Variants in LCP2 observed in about 807,000 individuals in gnomAD.
LCP2 encodes the protein lymphocyte cytosolic protein 2.
LCP2 carries 29 observed loss-of-function variants against 74.5 expected under a neutral mutation model. The ratio of observed to expected loss-of-function variants is 0.39; its 90% CI spans 0.29 to 0.53. The LOEUF is 0.53. Ranked by LOEUF, LCP2 falls within the 20% of genes least tolerant of loss-of-function variation. The probability of loss-of-function intolerance (pLI) is 0.72; values close to 1 mark genes in which losing one functional copy is unlikely to be tolerated. For synonymous variants in LCP2, 228 were observed against 229.5 expected, an observed-to-expected ratio of 0.99 and a Z score of 0.06; for missense variants, 604 against 634.6, an observed-to-expected ratio of 0.95 and a Z score of 0.52.
chr5:170,272,052 G>C (rs315743), intron 6 of LCP2, among the ~76,000 whole-genome samples: 195 of 152,170 alleles, frequency 1.3e-3, no homozygotes, highest in African/African-American at 4.3e-3. Context: ...TTAGGAGCAG[G>C]TGGGCAGAGC....
chr5:170,258,639 A>G (rs1023629750), intron 15 of LCP2: 5 of 452,192 alleles, frequency 1.1e-5, no homozygotes, highest in Non-Finnish European at 1.6e-5. Context: ...ATACAATTAA[A>G]TAATCTGCAC....
chr5:170,247,382 G>A lies in LCP2; in HGVS notation c.*1315C>T, dbSNP rs1303459654. The A allele has an allele frequency of 6.6e-6, 1 of 152,114 alleles. No homozygotes were observed. The highest frequency in any genetic ancestry group is 1.5e-5 in the Non-Finnish European group (1 of 68,018). The allele number at this position is 152,114 out of a possible 1,614,324, so 9.4% of individuals were successfully genotyped here. A position where few individuals can be genotyped will look rare whatever the true frequency, so the allele number is the denominator to read the frequency against. ...TTTAACATATCATCAGTTTTAAAAT[G>A]GTGACTTCTTAGATTCCTTCCAATA... On this transcript the variant is annotated 3_prime_UTR_variant, in exon 21 of 21. Coordinates refer to ENST00000046794, the MANE Select transcript of LCP2 (RefSeq NM_005565.5).
intron 20 of LCP2, among the ~76,000 whole-genome samples, chr5:170,250,472 T>A (rs1260942000): frequency 3.3e-5 from 5 of 152,252 alleles, no homozygotes; most frequent in African/African-American, 4.8e-5. Context: ...TTTTTTTAAG[T>A]TAACATAGTT....
chr5:170,251,983 T>C lies in LCP2; in HGVS notation c.1323+451A>G, dbSNP rs947250798. The C allele has an allele frequency of 1.9e-5, 4 of 215,524 alleles. 1 individual carries two copies. The South Asian group carries it at 2.0e-4, about 11-fold the overall frequency. The allele number at this position is 215,524 out of a possible 1,614,324, so 13.4% of individuals were successfully genotyped here. On this transcript the variant is annotated intron_variant, in intron 19 of 20. Transcript: ENST00000046794. ...GAAATATGTTTAAGACTTTATGATA[T>C]TAAAGGACTAGCTAGAAACGTCTAG... is the stretch of plus-strand genomic sequence containing the variant.
intron 6 of LCP2, among the ~76,000 whole-genome samples, chr5:170,272,686 T>C (rs925835414): frequency 5.1e-5 from 7 of 136,950 alleles, no homozygotes; most frequent in African/African-American, 1.9e-4. Flanking sequence ...AATCTCGGCT[T>C]ACTGCAACCT....
At chr5:170,249,168 G>A (rs1267079393) in intron 20 of LCP2, among the ~76,000 whole-genome samples, 1 of 151,852 alleles carries the variant, frequency 6.6e-6, no homozygotes, top group African/African-American at 2.4e-5. Flanking sequence ...CTAGAAAATA[G>A]AAAAATATTA....
At position 170,285,266 on chromosome 5, in the gene LCP2, A is replaced by G. The variant is rs1165723642; in HGVS notation, c.188+2704T>C. On this transcript the variant is annotated intron_variant, in intron 3 of 20. Transcript: ENST00000046794. ...CTTTTTTTGAATTTCTTATGCCCAAATTTAACTTCTAGAACACATGAAATA... is the reference window on the plus strand; with the variant it reads ...CTTTTTTTGAATTTCTTATGCCCAAGTTTAACTTCTAGAACACATGAAATA... Among the ~76,000 whole-genome samples the G allele has an allele frequency of 2.6e-5, 4 of 152,162 alleles. No homozygotes were observed. In the South Asian group the frequency reaches 8.3e-4, roughly 32 times the overall value.
intron 3 of LCP2, among the ~76,000 whole-genome samples, chr5:170,279,622 ATC>A (rs1762067282): frequency 1.3e-5 from 2 of 152,226 alleles, no homozygotes; most frequent in Non-Finnish European, 2.9e-5. Context: ...GCTCAGTGAC[ATC>A]AACCGGCCCC....
chr5:170,260,335 TAGC>T (rs1162346626), intron 14 of LCP2, among the ~76,000 whole-genome samples: 1 of 152,154 alleles, frequency 6.6e-6, no homozygotes, highest in African/African-American at 2.4e-5. Context: ...GCTGCAAAAA[TAGC>T]AGGCGCTTTT....
chr5:170,275,449 G>A, intron 4 of LCP2, 98 bp from the exon 5 acceptor site: 3 of 1,347,914 alleles, frequency 2.2e-6, no homozygotes, highest in Non-Finnish European at 3.2e-6. Flanking sequence ...CCCCAGTGGA[G>A]GGCATGTCTC....
intron 16 of LCP2, among the ~76,000 whole-genome samples, chr5:170,257,577 CCTGAGAAACACAGCTGCTA>C (rs1761577994): frequency 6.6e-6 from 1 of 151,972 alleles, no homozygotes. Flanking sequence ...TCATACCAGC[CCTGAGAAACACAGCTGCTA>C]CTGAGAAAAC....
chr5:170,265,307 A>T (rs531998284), intron 10 of LCP2, among the ~76,000 whole-genome samples: 29 of 152,300 alleles, frequency 1.9e-4, no homozygotes, highest in African/African-American at 7.0e-4. Context: ...ATTTTTGCAT[A>T]TTCTCTGAGC....
intron 6 of LCP2, chr5:170,273,920 C>CGGTGGG (rs374257999): frequency 4.7e-5 from 4 of 85,864 alleles, no homozygotes; most frequent in African/African-American, 1.3e-4. Flanking sequence ...TTTTTGGAGA[C>CGGTGGG]GGGGGGGTAG....
chr5:170,251,631 G>C (rs969801960), intron 19 of LCP2: 3 of 455,926 alleles, frequency 6.6e-6, no homozygotes, highest in Non-Finnish European at 1.3e-5. Flanking sequence ...ACTTTCCTTT[G>C]TTCCTTTTAT....
At chr5:170,286,929 T>A (rs978505528) in intron 3 of LCP2, among the ~76,000 whole-genome samples, 2 of 152,234 alleles carry the variant, frequency 1.3e-5, no homozygotes, top group Non-Finnish European at 2.9e-5. Flanking sequence ...ACACAGACTA[T>A]ATGTAGCCCT....
rs535149437 is a variant in LCP2, at chr5:170,285,798, G to C, written c.188+2172C>G. Among the ~76,000 whole-genome samples, 3 of 152,242 alleles carry C rather than the reference G, an allele frequency of 2.0e-5. No homozygotes were observed. In the East Asian group the frequency reaches 5.8e-4, roughly 29 times the overall value. On this transcript the variant is annotated intron_variant, in intron 3 of 20. Transcript: ENST00000046794. ...GGACTGATCTGTGCTTTGCTAAAGA[G>C]GGGCCCCTCTGAAGCTCTCCAGAAT...
intron 4 of LCP2, 80 bp from the exon 5 acceptor site, chr5:170,275,431 G>T: frequency 6.6e-7 from 1 of 1,507,428 alleles, no homozygotes; most frequent in Non-Finnish European, 9.2e-7. Flanking sequence ...GGTCCAGCGA[G>T]AGGGAGTCCC....
chr5:170,274,717 C>T (rs939267310), intron 5 of LCP2, among the ~76,000 whole-genome samples: 1 of 152,198 alleles, frequency 6.6e-6, no homozygotes, highest in Non-Finnish European at 1.5e-5. Flanking sequence ...AGCTGCTTTA[C>T]TGTAATCCTA....
rs142835235 is a variant in LCP2, at chr5:170,267,154, G to A, written c.622-79C>T. On this transcript the variant is annotated intron_variant, in intron 8 of 20. Transcript: ENST00000046794. ...GCACTCCCAAAACCTGTCTGGATCTGCTCACTTTTCCTCATCTTCATGTTC... is the reference window on the plus strand; with the variant it reads ...GCACTCCCAAAACCTGTCTGGATCTACTCACTTTTCCTCATCTTCATGTTC... The A allele has an allele frequency of 2.2e-3, 3,140 of 1,399,118 alleles. 3 individuals are homozygous for A. Among genetic ancestry groups the A allele is most frequent in the Admixed American group, 3.1e-3 (182 of 59,168 alleles). 86.7% of individuals were successfully genotyped at this position (1,399,118 alleles called of 1,614,324 possible).
Sources: allele counts gnomAD v4.1 joint callset (sites outside exome capture counted in the v4.1 genomes callset), GRCh38; gene constraint gnomAD v4.1.1; transcripts MANE v1.5; gene names NCBI Gene and HGNC (gene_info 2026-07-23, HGNC 2026-07-21).